The following MEAF6 variants were observed in gnomAD, a reference collection of about 807,000 sequenced individuals.
MEAF6 encodes MYST/Esa1 associated factor 6, also known as chromatin modification-related protein MEAF6.
In MEAF6, 15 loss-of-function variants were observed where a neutral mutation model predicts 28.9. The observed-to-expected ratio is 0.52, with a 90% confidence interval of 0.35 to 0.80. MEAF6 has a LOEUF of 0.80. Ranked by LOEUF, MEAF6 falls within the 30% of genes least tolerant of loss-of-function variation. MEAF6 has a pLI of 0.01. For missense variants in MEAF6, 178 were observed against 237.5 expected (o/e 0.75, Z 1.65); for synonymous variants, 97 against 88.7 (o/e 1.09, Z -0.53).
chr1:37,506,161 C>T (rs988857218), intron 4 of MEAF6, among the ~76,000 whole-genome samples: 1 of 152,064 alleles, frequency 6.6e-6, no homozygotes, highest in Non-Finnish European at 1.5e-5. Flanking sequence ...GTCCCAGCTA[C>T]TCGAGAGGCT....
At chr1:37,499,642 CAA>C (rs1294397306) in intron 5 of MEAF6, among the ~76,000 whole-genome samples, 1 of 152,138 alleles carries the variant, frequency 6.6e-6, no homozygotes, top group Non-Finnish European at 1.5e-5. Context: ...AGAGGGAAGA[CAA>C]AAGGACAGCA....
intron 4 of MEAF6, among the ~76,000 whole-genome samples, chr1:37,502,763 G>A (rs1642357530): frequency 6.6e-6 from 1 of 151,522 alleles, no homozygotes; most frequent in Non-Finnish European, 1.5e-5. Context: ...GACTGCAGGT[G>A]CCCATAAGCA....
intron 4 of MEAF6, 52 bp from the exon 5 acceptor site, chr1:37,502,048 C>T (rs41306601): frequency 0.078 from 113,783 of 1,458,630 alleles, 5,218 homozygotes; most frequent in Non-Finnish European, 0.092. Flanking sequence ...ACTCCTCAGG[C>T]AATCTGTCCA....
At chr1:37,495,042 TG>T (rs1369180245) in intron 6 of MEAF6, among the ~76,000 whole-genome samples, 1 of 151,142 alleles carries the variant, frequency 6.6e-6, no homozygotes. Context: ...TCATTAAAAA[TG>T]TATGTGACCG....
intron 1 of MEAF6, 158 bp from the exon 2 acceptor site, chr1:37,513,696 A>G (rs905886099): frequency 1.8e-5 from 12 of 657,116 alleles, no homozygotes; most frequent in African/African-American, 3.6e-5. Context: ...GGAGCCGTTT[A>G]GGACTAAGAC....
chr1:37,512,282 T>C (rs575892235), intron 2 of MEAF6, among the ~76,000 whole-genome samples: 1 of 152,298 alleles, frequency 6.6e-6, no homozygotes, highest in East Asian at 1.9e-4. Context: ...AACACAACCA[T>C]TGGGGAAAAC....
intron 4 of MEAF6, among the ~76,000 whole-genome samples, chr1:37,508,745 C>A (rs1642568761): frequency 6.6e-6 from 1 of 152,062 alleles, no homozygotes; most frequent in Non-Finnish European, 1.5e-5. Flanking sequence ...GATGCTAAAG[C>A]CAATCTTCAT....
At position 37,492,572 on chromosome 1, in the gene MEAF6, A is replaced by C. The variant is rs1263876003; in HGVS notation, c.*1527T>G. The C allele has an allele frequency of 1.3e-5, 2 of 151,798 alleles. No individual in the cohort carries two copies. Among genetic ancestry groups the C allele is most frequent in the African/African-American group, 4.8e-5 (2 of 41,356 alleles). 9.4% of individuals were successfully genotyped at this position (151,798 alleles called of 1,614,324 possible). A position where few individuals can be genotyped will look rare whatever the true frequency, so the allele number is the denominator to read the frequency against. On this transcript the variant is annotated 3_prime_UTR_variant, in exon 7 of 7. Transcript: ENST00000296214. ...AAATAGCCAGAGTCAAAAAAAAAAA[A>C]AAAAAAAAACCCACAAAAGTTTATT...
chr1:37,508,981 T>C (rs888878480), intron 4 of MEAF6, among the ~76,000 whole-genome samples: 2 of 152,164 alleles, frequency 1.3e-5, no homozygotes, highest in Admixed American at 6.5e-5. Flanking sequence ...CCTGTGGTCC[T>C]AGCTACTTGG....
chr1:37,511,945 A>C (rs1642683392), intron 2 of MEAF6, among the ~76,000 whole-genome samples: 1 of 152,254 alleles, frequency 6.6e-6, no homozygotes, highest in Non-Finnish European at 1.5e-5. Context: ...GATACTATTA[A>C]TGCAGTATTG....
rs1259016079 is a variant in MEAF6, at chr1:37,493,476, G to T, written c.*623C>A. 4 of 426,870 alleles carry T rather than the reference G, an allele frequency of 9.4e-6. No individual in the cohort carries two copies. The highest frequency in any genetic ancestry group is 4.1e-5 in the African/African-American group (2 of 48,434). The allele number at this position is 426,870 out of a possible 1,614,324, so 26.4% of individuals were successfully genotyped here. Reference sequence around the variant, plus strand: ...TACTAAACACTCTTTACCTCCCCTTGCAAAAAACAGAGGCAAGTTTCCCAT... The same window carrying T: ...TACTAAACACTCTTTACCTCCCCTTTCAAAAAACAGAGGCAAGTTTCCCAT... On this transcript the variant is annotated 3_prime_UTR_variant, in exon 7 of 7. Coordinates refer to ENST00000296214, the MANE Select transcript of MEAF6 (RefSeq NM_001270875.3).
rs1641894053 is a variant in MEAF6, at chr1:37,490,521, A to C, written c.*3578T>G. Among the ~76,000 whole-genome samples the C allele has an allele frequency of 6.6e-6, 1 of 152,124 alleles. No individual in the cohort carries two copies. The highest frequency in any genetic ancestry group is 6.6e-5 in the Admixed American group (1 of 15,266). ...ACATAAACCAGTATAGTCCCCCTGTAGTCAAGGCTTCAGATGTCAATTTTC... is the reference window on the plus strand; with the variant it reads ...ACATAAACCAGTATAGTCCCCCTGTCGTCAAGGCTTCAGATGTCAATTTTC... On this transcript the variant is annotated 3_prime_UTR_variant, in exon 7 of 7. Transcript: ENST00000296214.
intron 4 of MEAF6, among the ~76,000 whole-genome samples, chr1:37,507,757 G>A (rs1001096045): frequency 9.9e-5 from 15 of 151,830 alleles, no homozygotes; most frequent in East Asian, 1.9e-4. Context: ...CCTAGAAAGC[G>A]GAGGTTGCAG....
intron 4 of MEAF6, among the ~76,000 whole-genome samples, chr1:37,507,320 CAA>C (rs34471655): frequency 1.2e-3 from 170 of 137,678 alleles, no homozygotes; most frequent in Admixed American, 1.5e-3. Context: ...AACTCTGCCT[CAA>C]AAAAAAAAAA....
chr1:37,505,126 C>T (rs1448749444), intron 4 of MEAF6, among the ~76,000 whole-genome samples: 3 of 152,136 alleles, frequency 2.0e-5, no homozygotes, highest in East Asian at 1.9e-4. Context: ...TCAGGTGATC[C>T]ACCCACCTTG....
chr1:37,496,042 C>A, intron 5 of MEAF6, 124 bp from the exon 6 acceptor site: 1 of 756,316 alleles, frequency 1.3e-6, no homozygotes, highest in Non-Finnish European at 2.3e-6. Flanking sequence ...CCACATTCTT[C>A]ATTAGACTAT....
At chr1:37,512,355 T>C (rs916090274) in intron 2 of MEAF6, among the ~76,000 whole-genome samples, 18 of 152,158 alleles carry the variant, frequency 1.2e-4, no homozygotes, top group African/African-American at 4.3e-4. Flanking sequence ...ATTTCACAAT[T>C]TAAAAATGTG....
At chr1:37,513,721 G>C in intron 1 of MEAF6, 183 bp from the exon 2 acceptor site, 1 of 605,146 alleles carries the variant, frequency 1.7e-6, no homozygotes, top group Non-Finnish European at 3.0e-6. Context: ...TAGACCTTTG[G>C]GGGTGATGGA....
chr1:37,511,213 G>A (rs887271639), intron 2 of MEAF6, among the ~76,000 whole-genome samples: 1 of 152,160 alleles, frequency 6.6e-6, no homozygotes, highest in Non-Finnish European at 1.5e-5. Context: ...GAAAGCAATG[G>A]AGTACTCCAA....
Sources: gnomAD v4.1 joint callset for allele counts (sites outside exome capture counted in the v4.1 genomes callset) on GRCh38, gnomAD v4.1.1 for gene constraint, MANE v1.5 for transcripts, NCBI Gene and HGNC (gene_info 2026-07-23, HGNC 2026-07-21) for gene names.